MAGI2: variants seen among roughly 807,000 people sequenced by gnomAD.
MAGI2 encodes membrane-associated guanylate kinase, WW and PDZ domain-containing protein 2.
Under a neutral mutation model 133.3 loss-of-function variants are expected in MAGI2, and 35 were observed. The ratio of observed to expected loss-of-function variants is 0.26; its 90% CI spans 0.20 to 0.35. MAGI2 has a LOEUF of 0.35. Among genes scored for constraint, MAGI2 ranks in the 10% least tolerant of loss-of-function variants. The pLI is 1.00. For synonymous variants in MAGI2, 729 were observed against 710.6 expected (o/e 1.03, Z -0.41); for missense variants, 1,636 against 1,863.4 (o/e 0.88, Z 2.25).
intron 2 of MAGI2, among the ~76,000 whole-genome samples, chr7:78,863,610 C>T (rs1178252817): frequency 6.6e-6 from 1 of 152,230 alleles, no homozygotes; most frequent in Non-Finnish European, 1.5e-5. Context: ...CAAATTTCAA[C>T]ATGACAACTA....
At chr7:78,733,402 GA>G (rs1821553287) in intron 2 of MAGI2, among the ~76,000 whole-genome samples, 2 of 152,148 alleles carry the variant, frequency 1.3e-5, no homozygotes, top group African/African-American at 4.8e-5. Context: ...GTGAACAAGA[GA>G]TGTATGTTGT....
chr7:78,561,174 A>C (rs577928479), intron 3 of MAGI2, among the ~76,000 whole-genome samples: 1 of 152,326 alleles, frequency 6.6e-6, no homozygotes, highest in South Asian at 2.1e-4. Flanking sequence ...CTAGGAAGAT[A>C]CTGAGATCAA....
At chr7:78,071,945 G>A (rs745902849) in intron 21 of MAGI2, among the ~76,000 whole-genome samples, 3 of 152,152 alleles carry the variant, frequency 2.0e-5, no homozygotes, top group Admixed American at 6.5e-5. Context: ...TTCCATCAAC[G>A]TGGTCTCTGA....
intron 1 of MAGI2, among the ~76,000 whole-genome samples, chr7:79,402,180 T>G (rs1000066306): frequency 6.6e-6 from 1 of 152,136 alleles, no homozygotes; most frequent in Non-Finnish European, 1.5e-5. Context: ...GCTATAAAAA[T>G]ATAATCTTAA....
chr7:78,399,265 C>A (rs1796632094), intron 6 of MAGI2, among the ~76,000 whole-genome samples: 1 of 152,164 alleles, frequency 6.6e-6, no homozygotes, highest in African/African-American at 2.4e-5. Flanking sequence ...CACACACACC[C>A]AGAAATCCCA....
rs918156194 is a variant in MAGI2, at chr7:78,397,661, A to C, written c.1046-28448T>G. Among the ~76,000 whole-genome samples, 6 of 152,166 alleles carry C rather than the reference A, an allele frequency of 3.9e-5. No individual in the cohort carries two copies. In the East Asian group the frequency reaches 1.2e-3, roughly 29 times the overall value. On this transcript the variant is annotated intron_variant, in intron 6 of 21. Coordinates refer to ENST00000354212, the MANE Select transcript of MAGI2 (RefSeq NM_012301.4). ...ACCTGAGTTAGGGCTCAGAAACTCG[A>C]AGTCTAACATTTTATGAACATTTAC...
chr7:78,320,791 A>G (rs575917505), intron 9 of MAGI2, among the ~76,000 whole-genome samples: 60 of 152,114 alleles, frequency 3.9e-4, no homozygotes, highest in Non-Finnish European at 4.1e-4. Flanking sequence ...GGCAAGAGAA[A>G]GAAACAAAGG....
At chr7:78,895,050 G>T (rs188458811) in intron 2 of MAGI2, among the ~76,000 whole-genome samples, 7 of 152,204 alleles carry the variant, frequency 4.6e-5, no homozygotes, top group African/African-American at 1.4e-4. Context: ...GAGTTATGAG[G>T]CCTCATGAAT....
At chr7:79,330,243 G>C (rs1839976942) in intron 1 of MAGI2, among the ~76,000 whole-genome samples, 1 of 132,218 alleles carries the variant, frequency 7.6e-6, no homozygotes, top group South Asian at 2.5e-4. Context: ...CCCCAGGCTG[G>C]AGTGCAGTGG....
At chr7:79,264,401 C>T (rs978239570) in intron 1 of MAGI2, among the ~76,000 whole-genome samples, 1 of 152,140 alleles carries the variant, frequency 6.6e-6, no homozygotes, top group Non-Finnish European at 1.5e-5. Context: ...ATTCCAGACA[C>T]TAGGACAAAG....
intron 10 of MAGI2, among the ~76,000 whole-genome samples, chr7:78,237,830 T>C (rs962359802): frequency 1.3e-5 from 2 of 152,140 alleles, no homozygotes; most frequent in African/African-American, 4.8e-5. Flanking sequence ...CTCTACCAAT[T>C]TGAACATGAA....
chr7:78,122,582 G>A (rs1402592501), intron 20 of MAGI2, among the ~76,000 whole-genome samples: 1 of 152,184 alleles, frequency 6.6e-6, no homozygotes, highest in East Asian at 1.9e-4. Context: ...CCAGCTGCAA[G>A]TGATGAAGTT....
At chr7:78,503,593 C>G (rs868007290) in intron 4 of MAGI2, among the ~76,000 whole-genome samples, 1 of 66,716 alleles carries the variant, frequency 1.5e-5, no homozygotes, top group African/African-American at 5.0e-5. Flanking sequence ...CTCCTCCTCC[C>G]CCTCCTCCTT....
chr7:78,735,911 C>T (rs1281391999), intron 2 of MAGI2, among the ~76,000 whole-genome samples: 2 of 152,052 alleles, frequency 1.3e-5, no homozygotes, highest in Non-Finnish European at 2.9e-5. Flanking sequence ...AGAAAGTAGA[C>T]CGAATGTGTG....
chr7:79,158,976 T>C (rs1376461589), intron 1 of MAGI2, among the ~76,000 whole-genome samples: 1 of 152,208 alleles, frequency 6.6e-6, no homozygotes, highest in East Asian at 1.9e-4. Context: ...CCTTTTACCT[T>C]GTTTATACAT....
intron 2 of MAGI2, among the ~76,000 whole-genome samples, chr7:78,919,067 T>C (rs1799024953): frequency 1.3e-5 from 2 of 152,108 alleles, no homozygotes; most frequent in African/African-American, 2.4e-5. Flanking sequence ...TTGGACAGGT[T>C]AAATAATTTT....
In MAGI2 at chr7:79,227,410, T is replaced by C. The variant is rs182842304; in HGVS notation, c.302-220204A>G. ...ATACAAATGCAAACATTTAATTCTTTCTGCCAAACACTCAATGGCAATACA... is the reference window on the plus strand; with the variant it reads ...ATACAAATGCAAACATTTAATTCTTCCTGCCAAACACTCAATGGCAATACA... On this transcript the variant is annotated intron_variant, in intron 1 of 21. Transcript: ENST00000354212. Among the ~76,000 whole-genome samples the C allele has an allele frequency of 1.9e-3, 288 of 152,346 alleles. 1 individual carries two copies. The highest frequency in any genetic ancestry group is 6.7e-3 in the African/African-American group (278 of 41,588).
At chr7:78,876,964 A>G (rs1254834063) in intron 2 of MAGI2, among the ~76,000 whole-genome samples, 1 of 152,096 alleles carries the variant, frequency 6.6e-6, no homozygotes, top group Non-Finnish European at 1.5e-5. Flanking sequence ...TTATTTTACT[A>G]TGGTGCTCAG....
intron 6 of MAGI2, among the ~76,000 whole-genome samples, chr7:78,431,924 T>C (rs754884525): frequency 6.6e-6 from 1 of 152,010 alleles, no homozygotes; most frequent in African/African-American, 2.4e-5. Flanking sequence ...GTAGATAAAA[T>C]TTTTAGATAG....
Sources: gnomAD v4.1 joint callset for allele counts (sites outside exome capture counted in the v4.1 genomes callset) on GRCh38, gnomAD v4.1.1 for gene constraint, MANE v1.5 for transcripts, NCBI Gene and HGNC (gene_info 2026-07-23, HGNC 2026-07-21) for gene names.